The following SPDYE10 variants were observed in gnomAD, a reference collection of about 807,000 sequenced individuals.
SPDYE10 encodes speedy/RINGO cell cycle regulator family member E10.
the SPDYE10 span, among the ~76,000 whole-genome samples, chr7:73,150,950 T>A: frequency 6.3e-3 from 107 of 16,938 alleles, no homozygotes; most frequent in Non-Finnish European, 9.6e-3. Flanking sequence ...ATATATATAT[T>A]TTTTTTTTTT....
At chr7:73,113,870 A>G in the SPDYE10 span, among the ~76,000 whole-genome samples, 3 of 152,068 alleles carry the variant, frequency 2.0e-5, no homozygotes, top group Non-Finnish European at 4.4e-5. Context: ...TGCTAAAAAT[A>G]CAAAAAGTAG....
chr7:73,117,078 TTTG>T, the SPDYE10 span, among the ~76,000 whole-genome samples: 55 of 145,570 alleles, frequency 3.8e-4, no homozygotes, highest in Admixed American at 6.8e-4. Context: ...GGTTTTTTTT[TTTG>T]TTGTTGTTGT....
chr7:73,107,684 C>G, the SPDYE10 span, among the ~76,000 whole-genome samples: 1 of 61,372 alleles, frequency 1.6e-5, no homozygotes, highest in African/African-American at 5.6e-5. Context: ...CTACAGGCAT[C>G]TAGTCTAATG....
chr7:73,117,557 CTGTTT>C, the SPDYE10 span, among the ~76,000 whole-genome samples: 3 of 118,642 alleles, frequency 2.5e-5, no homozygotes, highest in East Asian at 6.5e-4. Flanking sequence ...AATTTTTGTT[CTGTTT>C]TATTTTTACA....
At chr7:73,131,760 C>T in the SPDYE10 span, among the ~76,000 whole-genome samples, 4 of 151,810 alleles carry the variant, frequency 2.6e-5, no homozygotes, top group Non-Finnish European at 5.9e-5. Context: ...GTCTCAAACT[C>T]CTGACCTCAA....
At chr7:73,143,690 T>C in the SPDYE10 span, among the ~76,000 whole-genome samples, 1 of 152,180 alleles carries the variant, frequency 6.6e-6, no homozygotes, top group Non-Finnish European at 1.5e-5. Context: ...GACATCCCTA[T>C]GATTTCTCTT....
the SPDYE10 span, among the ~76,000 whole-genome samples, chr7:73,149,304 G>A: frequency 2.8e-5 from 3 of 106,372 alleles, no homozygotes; most frequent in Non-Finnish European, 6.3e-5. Flanking sequence ...TTGGGGGGGC[G>A]GGGGACAGAG....
the SPDYE10 span, among the ~76,000 whole-genome samples, chr7:73,120,881 G>C: frequency 3.0e-4 from 45 of 150,098 alleles, no homozygotes; most frequent in Non-Finnish European, 5.8e-4. Flanking sequence ...GCCCAGGCTG[G>C]AGTGCAGTGG....
the SPDYE10 span, among the ~76,000 whole-genome samples, chr7:73,148,979 CTTT>C: frequency 3.2e-5 from 3 of 94,586 alleles, no homozygotes; most frequent in South Asian, 4.2e-4. Flanking sequence ...CGAAAAATAA[CTTT>C]TTTTTTTTTT....
chr7:73,123,653 T>G, the SPDYE10 span, among the ~76,000 whole-genome samples: 1 of 152,128 alleles, frequency 6.6e-6, no homozygotes, highest in Non-Finnish European at 1.5e-5. Flanking sequence ...AGAGGGAGTT[T>G]CCCCATGTTG....
the SPDYE10 span, among the ~76,000 whole-genome samples, chr7:73,144,808 C>G: frequency 2.0e-5 from 2 of 100,210 alleles, no homozygotes; most frequent in Non-Finnish European, 3.8e-5. Context: ...ATCAGGACTT[C>G]CAGACCAGCC....
the SPDYE10 span, among the ~76,000 whole-genome samples, chr7:73,124,066 A>G: frequency 1.3e-5 from 2 of 149,902 alleles, no homozygotes; most frequent in African/African-American, 5.0e-5. Context: ...TACAGACCTG[A>G]GCCATTGTGC....
the SPDYE10 span, among the ~76,000 whole-genome samples, chr7:73,123,203 C>T: frequency 8.5e-5 from 13 of 152,218 alleles, no homozygotes; most frequent in Non-Finnish European, 1.6e-4. Flanking sequence ...CGGTCATGAG[C>T]ATCTGTAGCT....
chr7:73,114,902 ATT>A, the SPDYE10 span, among the ~76,000 whole-genome samples: 147 of 93,932 alleles, frequency 1.6e-3, no homozygotes, highest in East Asian at 0.015. Context: ...GGGTCATCTG[ATT>A]TTTTTTTTTT....
At chr7:73,149,819 G>A in the SPDYE10 span, among the ~76,000 whole-genome samples, 8 of 121,580 alleles carry the variant, frequency 6.6e-5, no homozygotes, top group African/African-American at 1.1e-4. Flanking sequence ...TCTTTACAGC[G>A]TGATGGTCTC....
chr7:73,107,377 C>T, the SPDYE10 span, among the ~76,000 whole-genome samples: 72 of 7,200 alleles, frequency 0.01, no homozygotes, highest in African/African-American at 0.023. Flanking sequence ...ACCCAGGAGG[C>T]GGAGGTTGCA....
chr7:73,134,561 G>GAAAGAAAGAAAC, the SPDYE10 span, among the ~76,000 whole-genome samples: 1 of 152,068 alleles, frequency 6.6e-6, no homozygotes, highest in South Asian at 2.1e-4. Context: ...AAGAAAGAAA[G>GAAAGAAAGAAAC]AAAGAAACCG....
At chr7:73,113,931 C>T in the SPDYE10 span, among the ~76,000 whole-genome samples, 2 of 151,798 alleles carry the variant, frequency 1.3e-5, no homozygotes, top group African/African-American at 2.4e-5. Flanking sequence ...GAGGCTGAGG[C>T]AGGAGAATGG....
chr7:73,131,411 T>C, the SPDYE10 span, among the ~76,000 whole-genome samples: 2 of 150,752 alleles, frequency 1.3e-5, no homozygotes, highest in Admixed American at 1.3e-4. Flanking sequence ...GAGTTCCCTG[T>C]AGTTGAGACA....
Sources: allele counts gnomAD v4.1 joint callset (sites outside exome capture counted in the v4.1 genomes callset), GRCh38; gene constraint gnomAD v4.1.1; transcripts MANE v1.5; gene names NCBI Gene and HGNC (gene_info 2026-07-23, HGNC 2026-07-21).